The following C3orf52 variants were observed in gnomAD, a reference collection of about 807,000 sequenced individuals.
The protein encoded by C3orf52 is TPA-induced transmembrane protein.
A neutral mutation model predicts 24.8 loss-of-function variants in C3orf52; 22 were observed. The ratio of observed to expected loss-of-function variants is 0.89; its 90% CI spans 0.63 to 1.27. The LOEUF (loss-of-function observed/expected upper bound fraction) is 1.27, where lower values mean the gene tolerates loss of function less well. Ranked by LOEUF, C3orf52 falls within the 50% of genes most tolerant of loss-of-function variation. The pLI is 0.00. For missense variants in C3orf52, 265 were observed against 260.7 expected (o/e 1.02, Z -0.11); for synonymous variants, 93 against 100.2 (o/e 0.93, Z 0.43).
chr3:112,104,183 A>G (rs566932140), intron 3 of C3orf52, among the ~76,000 whole-genome samples: 1 of 152,256 alleles, frequency 6.6e-6, no homozygotes, highest in Admixed American at 6.5e-5. Context: ...GATTGGGCAG[A>G]TGGATGGCGG....
rs185285426 is a variant in C3orf52 at position 112,100,775 on chromosome 3, T to C, written c.269-2063T>C. Among the ~76,000 whole-genome samples the C allele has an allele frequency of 2.6e-5, 4 of 152,340 alleles. No individual in the cohort carries two copies. The East Asian group carries it at 7.7e-4, about 29-fold the overall frequency. On this transcript the variant is annotated intron_variant, in intron 2 of 5. Coordinates refer to ENST00000264848, the MANE Select transcript of C3orf52 (RefSeq NM_024616.3). The stretch of plus-strand genomic sequence containing the variant: ...TCATATTTAAGAAAATAGGTGAGCC[T>C]ATTATGAACATTATGAAGCCATTGA...
At chr3:112,087,300 C>T (rs912244580) in intron 1 of C3orf52, among the ~76,000 whole-genome samples, 2 of 152,200 alleles carry the variant, frequency 1.3e-5, no homozygotes, top group African/African-American at 4.8e-5. Context: ...CTAAGGAAGT[C>T]CCTGGCTATT....
intron 1 of C3orf52, among the ~76,000 whole-genome samples, chr3:112,086,987 C>T (rs1047933626): frequency 3.3e-5 from 5 of 152,280 alleles, no homozygotes; most frequent in East Asian, 1.9e-4. Flanking sequence ...TTCTCTCCCT[C>T]CCCTCCACCC....
At chr3:112,087,225 A>G (rs527997130) in intron 1 of C3orf52, among the ~76,000 whole-genome samples, 1 of 152,172 alleles carries the variant, frequency 6.6e-6, no homozygotes, top group Admixed American at 6.5e-5. Context: ...GAAAGAAAAT[A>G]ATTTCAAAGT....
downstream of C3orf52, chr3:112,133,250 A>G: frequency 3.2e-6 from 3 of 926,914 alleles, no homozygotes; most frequent in South Asian, 2.9e-5. Flanking sequence ...AGACAGCAGA[A>G]AGGAGAAGGG....
intron 4 of C3orf52, chr3:112,112,576 T>C (rs1465107705): frequency 2.4e-5 from 6 of 246,704 alleles, no homozygotes. Context: ...AGAAGGAATG[T>C]GTGTGGAGAA....
chr3:112,124,227 A>G (rs528577834), intron 4 of C3orf52, among the ~76,000 whole-genome samples: 12 of 152,312 alleles, frequency 7.9e-5, no homozygotes, highest in Non-Finnish European at 1.5e-5. Context: ...CCAGCTTTGC[A>G]TATTCCTTTA....
At chr3:112,109,634 A>G in intron 4 of C3orf52, 21 bp downstream of exon 4, 1 of 1,479,278 alleles carries the variant, frequency 6.8e-7, no homozygotes, top group Non-Finnish European at 9.4e-7. Context: ...GGAACATTAC[A>G]TTTTGCTCTC....
At chr3:112,130,753 G>A, downstream of C3orf52, 1 of 539,518 alleles carries the variant, frequency 1.9e-6, no homozygotes, top group Non-Finnish European at 3.4e-6. Context: ...CCATGAACAA[G>A]TGATCCTAAA....
At chr3:112,131,105 T>A (rs2074440885), downstream of C3orf52, 1 of 152,822 alleles carries the variant, frequency 6.5e-6, no homozygotes, top group Admixed American at 6.5e-5. Flanking sequence ...ACTTACTATA[T>A]GCCAATCATT....
At chr3:112,119,258 C>G (rs1478697049), downstream of C3orf52, among the ~76,000 whole-genome samples, 1 of 152,102 alleles carries the variant, frequency 6.6e-6, no homozygotes, top group Non-Finnish European at 1.5e-5. Flanking sequence ...GCCTGTAATC[C>G]CAGCTACTCA....
Position 112,109,475 on chromosome 3 carries a change from T to C in C3orf52, c.397-68T>C, listed in dbSNP as rs542099104. ...TCCTCTGCCTTAGAAGCAGTTTTGC[T>C]TTGTCAGGTGATGTGTAATATGATC... On this transcript the variant is annotated intron_variant, in intron 3 of 5. Transcript: ENST00000264848. 6.2e-6 allele frequency: 6 copies of C among 974,144 alleles called. No homozygotes were observed. The Admixed American group carries it at 8.5e-5, about 14-fold the overall frequency. 60.3% of individuals were successfully genotyped at this position (974,144 alleles called of 1,614,324 possible).
intron 1 of C3orf52, among the ~76,000 whole-genome samples, chr3:112,091,883 A>G (rs1231325871): frequency 6.6e-6 from 1 of 152,164 alleles, no homozygotes; most frequent in African/African-American, 2.4e-5. Context: ...GGGCGCCTGT[A>G]GTCCCAGCTA....
chr3:112,086,403 G>C lies in C3orf52; in HGVS notation c.-5G>C, dbSNP rs376310649. 9.3e-4 allele frequency: 1,429 copies of C among 1,536,564 alleles called. 11 individuals are homozygous for C. The highest frequency in any genetic ancestry group is 6.8e-3 in the Admixed American group (338 of 49,896). On this transcript the variant is annotated 5_prime_UTR_variant, in exon 1 of 6. Transcript: ENST00000264848. ...CGGAGCCGCTCAGACTTTCCCTGCC[G>C]GCACATGGACCTGGCCCAACCCTCA... is the stretch of plus-strand genomic sequence containing the variant.
intron 2 of C3orf52, among the ~76,000 whole-genome samples, chr3:112,098,711 A>G (rs1276403768): frequency 6.6e-6 from 1 of 152,202 alleles, no homozygotes; most frequent in African/African-American, 2.4e-5. Flanking sequence ...CCAAGATCAA[A>G]GTGTCAGCAC....
At chr3:112,108,271 C>T (rs527724801) in intron 3 of C3orf52, among the ~76,000 whole-genome samples, 4 of 152,064 alleles carry the variant, frequency 2.6e-5, no homozygotes, top group South Asian at 2.1e-4. Context: ...CACTAGTAAG[C>T]GAGGCAGTAC....
intron 4 of C3orf52, chr3:112,123,679 C>T: frequency 6.2e-7 from 1 of 1,614,190 alleles, no homozygotes; most frequent in South Asian, 1.1e-5. Flanking sequence ...TCATAGTACT[C>T]TTCAGCAGAG....
chr3:112,105,704 G>GA (rs2074017230), intron 3 of C3orf52, among the ~76,000 whole-genome samples: 2 of 151,640 alleles, frequency 1.3e-5, no homozygotes, highest in South Asian at 4.2e-4. Flanking sequence ...CCTCATTTAA[G>GA]ATGCCAGTTA....
intron 4 of C3orf52, among the ~76,000 whole-genome samples, chr3:112,110,387 A>G (rs887725217): frequency 6.6e-6 from 1 of 152,100 alleles, no homozygotes; most frequent in Non-Finnish European, 1.5e-5. Context: ...GCACAGGAAA[A>G]GTCTCCCTTC....
Sources: allele counts gnomAD v4.1 joint callset (sites outside exome capture counted in the v4.1 genomes callset), GRCh38; gene constraint gnomAD v4.1.1; transcripts MANE v1.5; gene names NCBI Gene and HGNC (gene_info 2026-07-23, HGNC 2026-07-21).